Variants in RMDN2 observed in about 807,000 individuals in gnomAD.
RMDN2 encodes regulator of microtubule dynamics protein 2.
Under a neutral mutation model 52.8 loss-of-function variants are expected in RMDN2, and 61 were observed. That is an observed-to-expected ratio of 1.16 (90% CI 0.94 to 1.43). The LOEUF is 1.43. Ranked by LOEUF, RMDN2 falls within the 40% of genes most tolerant of loss-of-function variation. The pLI is 0.00. For missense variants in RMDN2, 592 were observed against 475.3 expected (o/e 1.25, Z -2.28); for synonymous variants, 180 against 153.1 (o/e 1.18, Z -1.30).
intron 5 of RMDN2, among the ~76,000 whole-genome samples, chr2:37,981,603 G>A (rs1032522512): frequency 2.4e-4 from 37 of 152,246 alleles, no homozygotes; most frequent in African/African-American, 8.4e-4. Context: ...AAGATGATAC[G>A]TTATAATTAA....
At chr2:37,957,839 G>A (rs913980363) in intron 2 of RMDN2, among the ~76,000 whole-genome samples, 1 of 152,094 alleles carries the variant, frequency 6.6e-6, no homozygotes, top group Non-Finnish European at 1.5e-5. Context: ...ATAAGGAAGG[G>A]GTCCAGTTTC....
chr2:38,006,398 TCTC>T (rs1385741118), intron 10 of RMDN2, among the ~76,000 whole-genome samples: 2 of 152,182 alleles, frequency 1.3e-5, no homozygotes, highest in Non-Finnish European at 2.9e-5. Context: ...GGTTTGTAGT[TCTC>T]CTCGAAGAGG....
chr2:37,997,582 T>A, intron 8 of RMDN2, 68 bp downstream of exon 8: 2 of 1,037,718 alleles, frequency 1.9e-6, no homozygotes, highest in South Asian at 2.6e-5. Flanking sequence ...CTGCTGCCGT[T>A]GTCAAGGAAA....
At chr2:37,958,658 G>A (rs542992291) in intron 2 of RMDN2, among the ~76,000 whole-genome samples, 1 of 150,838 alleles carries the variant, frequency 6.6e-6, no homozygotes, top group African/African-American at 2.5e-5. Context: ...GCCCTGGCCA[G>A]AACTTCCAAT....
chr2:37,963,694 TG>T lies in RMDN2; in HGVS notation c.453-10344del, dbSNP rs1670594709. Among the ~76,000 whole-genome samples, 3 of 152,336 alleles carry T rather than the reference TG, an allele frequency of 2.0e-5. No individual in the cohort carries two copies. The South Asian group carries it at 6.2e-4, about 32-fold the overall frequency. ...GAATCTTTCTTAGTACAGAACAAAA[TG>T]GAGTCTCCTATGTCTACTTCTTTCT... On this transcript the variant is annotated intron_variant, in intron 2 of 10. Transcript: ENST00000354545.
intron 10 of RMDN2, among the ~76,000 whole-genome samples, chr2:38,025,319 G>A (rs1573159633): frequency 6.6e-6 from 1 of 152,044 alleles, no homozygotes; most frequent in Non-Finnish European, 1.5e-5. Context: ...ATGCAGTTGT[G>A]TACACTGATC....
chr2:37,985,986 T>C (rs1673961170), intron 5 of RMDN2, among the ~76,000 whole-genome samples: 1 of 152,160 alleles, frequency 6.6e-6, no homozygotes, highest in African/African-American at 2.4e-5. Context: ...ATGTTAACAA[T>C]AGGGAAAACT....
At chr2:38,050,441 A>G (rs148546985) in intron 10 of RMDN2, among the ~76,000 whole-genome samples, 1,767 of 152,292 alleles carry the variant, frequency 0.012, 37 homozygotes, top group African/African-American at 0.04. Flanking sequence ...CTGAAAAAGC[A>G]AACAATGTCA....
At chr2:38,050,356 A>AT (rs1212998468) in intron 10 of RMDN2, among the ~76,000 whole-genome samples, 2 of 151,614 alleles carry the variant, frequency 1.3e-5, no homozygotes, top group African/African-American at 4.9e-5. Flanking sequence ...TTAAAAAAAA[A>AT]AATAAAAAAA....
chr2:38,017,800 A>G (rs1679008702), downstream of RMDN2: 2 of 247,270 alleles, frequency 8.1e-6, no homozygotes, highest in South Asian at 9.4e-5. Context: ...TGTGTGAGCA[A>G]CAAGGCTATT....
intron 2 of RMDN2, among the ~76,000 whole-genome samples, chr2:37,941,137 T>C (rs1001955191): frequency 3.9e-5 from 6 of 152,234 alleles, no homozygotes; most frequent in African/African-American, 1.4e-4. Flanking sequence ...GTTTTCCTTC[T>C]AACAGTCAGG....
chr2:37,949,211 A>G (rs1318362144), intron 2 of RMDN2, among the ~76,000 whole-genome samples: 2 of 152,140 alleles, frequency 1.3e-5, no homozygotes, highest in Admixed American at 6.5e-5. Context: ...TGAGCCATAC[A>G]TGTAAGGCCC....
At chr2:37,975,570 T>A (rs1053142995) in intron 4 of RMDN2, among the ~76,000 whole-genome samples, 1 of 151,918 alleles carries the variant, frequency 6.6e-6, no homozygotes, top group Non-Finnish European at 1.5e-5. Flanking sequence ...GGTGGGAGGC[T>A]AGGGGAGGGA....
chr2:37,973,765 G>T lies in RMDN2; in HGVS notation c.453-275G>T, dbSNP rs78765315. Among the ~76,000 whole-genome samples, 552 of 152,124 alleles carry T rather than the reference G, an allele frequency of 3.6e-3. 2 individuals carry two copies. Among genetic ancestry groups the T allele is most frequent in the African/African-American group, 0.013 (537 of 41,514 alleles). On this transcript the variant is annotated intron_variant, in intron 2 of 10. Coordinates refer to ENST00000354545, the MANE Select transcript of RMDN2 (RefSeq NM_001170791.3). ...CAAGTGGAGGTTCCGAGGTAGGCAC[G>T]TGATTAGAATATTGAAGGAGCAGCT...
chr2:37,977,844 G>A (rs966550288), intron 4 of RMDN2, among the ~76,000 whole-genome samples: 36 of 151,854 alleles, frequency 2.4e-4, no homozygotes, highest in Non-Finnish European at 4.4e-4. Context: ...AGACTGGGCG[G>A]CCGGGCAGAG....
intron 2 of RMDN2, among the ~76,000 whole-genome samples, chr2:37,935,443 AG>A (rs1667205533): frequency 6.6e-6 from 1 of 152,224 alleles, no homozygotes; most frequent in Admixed American, 6.5e-5. Context: ...AGATGAACAG[AG>A]ATTCAGAAGC....
At chr2:37,950,969 C>A (rs955416500) in intron 2 of RMDN2, among the ~76,000 whole-genome samples, 12 of 152,136 alleles carry the variant, frequency 7.9e-5, no homozygotes, top group African/African-American at 2.9e-4. Flanking sequence ...ATTTTTTCAA[C>A]TTCTCTTCCC....
intron 2 of RMDN2, among the ~76,000 whole-genome samples, chr2:37,942,533 A>G (rs754174881): frequency 1.3e-5 from 2 of 152,218 alleles, no homozygotes; most frequent in African/African-American, 4.8e-5. Context: ...CCAAGTTACC[A>G]TCCTATGAGC....
intron 2 of RMDN2, chr2:37,950,336 C>G (rs1276943220): frequency 3.1e-6 from 3 of 975,464 alleles, no homozygotes; most frequent in Non-Finnish European, 4.5e-6. Flanking sequence ...GGTAGAAACA[C>G]ATTCCACAGC....
Sources: gnomAD v4.1 joint callset for allele counts (sites outside exome capture counted in the v4.1 genomes callset) on GRCh38, gnomAD v4.1.1 for gene constraint, MANE v1.5 for transcripts, NCBI Gene and HGNC (gene_info 2026-07-23, HGNC 2026-07-21) for gene names.